PRKG1: variants seen among roughly 807,000 people sequenced by gnomAD.
The protein encoded by PRKG1 is protein kinase cGMP-dependent 1.
In PRKG1, 35 loss-of-function variants were observed where a neutral mutation model predicts 88.1. The observed-to-expected ratio is 0.40, with a 90% CI of 0.30 to 0.53. The LOEUF (loss-of-function observed/expected upper bound fraction) is 0.53, where lower values mean the gene tolerates loss of function less well. PRKG1 is among the 20% of genes least tolerant of loss of function. The pLI, the probability that PRKG1 is intolerant of heterozygous loss-of-function variation, is 0.59. For synonymous variants in PRKG1, 303 were observed against 292.5 expected (o/e 1.04, Z -0.37); for missense variants, 540 against 839.8 (o/e 0.64, Z 4.41).
intron 5 of PRKG1, among the ~76,000 whole-genome samples, chr10:51,985,049 ATAG>A (rs1844118148): frequency 6.6e-6 from 1 of 152,192 alleles, no homozygotes; most frequent in South Asian, 2.1e-4. Context: ...TATAAATACC[ATAG>A]GACATATATT....
intron 2 of PRKG1, among the ~76,000 whole-genome samples, chr10:51,324,180 T>C (rs937403624): frequency 6.6e-6 from 1 of 152,180 alleles, no homozygotes; most frequent in African/African-American, 2.4e-5. Context: ...TACTATACTA[T>C]TGAACACTAG....
chr10:51,394,916 A>G (rs2132655958), intron 2 of PRKG1, among the ~76,000 whole-genome samples: 1 of 152,268 alleles, frequency 6.6e-6, no homozygotes, highest in South Asian at 2.1e-4. Flanking sequence ...TATATATACC[A>G]TGGATTCTTA....
chr10:52,127,994 T>C, intron 7 of PRKG1: 1 of 961,858 alleles, frequency 1.0e-6, no homozygotes, highest in Non-Finnish European at 1.2e-6. Context: ...AATTAATTTA[T>C]TTCATTTTTT....
At chr10:51,454,230 G>T (rs1328027909) in intron 2 of PRKG1, among the ~76,000 whole-genome samples, 3 of 151,870 alleles carry the variant, frequency 2.0e-5, no homozygotes, top group Admixed American at 6.6e-5. Context: ...TCTTCATAAA[G>T]CTAGAAAAAA....
chr10:51,056,779 C>T lies in PRKG1; in HGVS notation c.266+65135C>T, dbSNP rs76102373. Among the ~76,000 whole-genome samples the T allele has an allele frequency of 5.9e-4, 90 of 152,216 alleles. 2 individuals are homozygous for T. In the East Asian group the frequency reaches 0.015, roughly 26 times the overall value. The stretch of plus-strand genomic sequence containing the variant: ...GTCTGTCTCCTATCTGCCTTTCACC[C>T]GCTCACCTTTCTGCTCTCTTCCAAC... On this transcript the variant is annotated intron_variant, in intron 1 of 17. Coordinates refer to the PRKG1 transcript ENST00000401604.
rs561268806 is a variant in PRKG1, at chr10:51,181,465, T to C, written c.478+28135T>C. On this transcript the variant is annotated intron_variant, in intron 2 of 17. Coordinates refer to ENST00000373980, the MANE Select transcript of PRKG1 (RefSeq NM_006258.4). Reference sequence around the variant, plus strand: ...ACCTTGTTAGCCAGGATGGTCTCGATCTCCTGACCTCATGATCCACCCGCC... The same window carrying C: ...ACCTTGTTAGCCAGGATGGTCTCGACCTCCTGACCTCATGATCCACCCGCC... Among the ~76,000 whole-genome samples, 84 of 151,390 alleles carry C rather than the reference T, an allele frequency of 5.5e-4. No homozygotes were observed. The South Asian group carries it at 0.017, about 31-fold the overall frequency.
chr10:51,517,923 C>T (rs1841630981), intron 3 of PRKG1, among the ~76,000 whole-genome samples: 1 of 152,174 alleles, frequency 6.6e-6, no homozygotes, highest in South Asian at 2.1e-4. Flanking sequence ...CACCTTTATT[C>T]TCATGATGCA....
At chr10:51,671,431 A>T (rs183012278) in intron 3 of PRKG1, among the ~76,000 whole-genome samples, 129 of 152,274 alleles carry the variant, frequency 8.5e-4, no homozygotes, top group African/African-American at 3.1e-3. Flanking sequence ...CTAAAGGAAG[A>T]TCTATTCCAT....
At chr10:52,181,069 A>T (rs986358880) in intron 9 of PRKG1, among the ~76,000 whole-genome samples, 4 of 151,948 alleles carry the variant, frequency 2.6e-5, no homozygotes, top group African/African-American at 9.7e-5. Context: ...TATTTTTCAG[A>T]CTTGGGATGT....
chr10:51,723,473 T>A (rs957954933), intron 3 of PRKG1, among the ~76,000 whole-genome samples: 1 of 151,736 alleles, frequency 6.6e-6, no homozygotes, highest in Non-Finnish European at 1.5e-5. Context: ...GGCCTGTCAG[T>A]GGGTAGGAGG....
intron 5 of PRKG1, among the ~76,000 whole-genome samples, chr10:52,050,852 A>C (rs1845972211): frequency 6.6e-6 from 1 of 152,202 alleles, no homozygotes; most frequent in South Asian, 2.1e-4. Flanking sequence ...CAACTCTTTA[A>C]GATGAAGAGA....
chr10:51,963,280 C>A (rs1445639352), intron 5 of PRKG1, among the ~76,000 whole-genome samples: 2 of 152,124 alleles, frequency 1.3e-5, no homozygotes, highest in Non-Finnish European at 2.9e-5. Flanking sequence ...CAGTTGAATT[C>A]TCCACTTCAA....
intron 1 of PRKG1, among the ~76,000 whole-genome samples, chr10:51,125,967 A>C (rs1845387955): frequency 7.8e-6 from 1 of 128,190 alleles, no homozygotes; most frequent in East Asian, 2.2e-4. Context: ...ATATGAATAT[A>C]TAATTATATA....
intron 4 of PRKG1, among the ~76,000 whole-genome samples, chr10:51,817,172 G>T (rs1196279592): frequency 6.6e-6 from 1 of 152,048 alleles, no homozygotes; most frequent in Non-Finnish European, 1.5e-5. Context: ...GGGGCCCAAA[G>T]GAATGGCAGA....
intron 2 of PRKG1, among the ~76,000 whole-genome samples, chr10:51,229,506 A>T (rs1197156549): frequency 6.6e-6 from 1 of 152,194 alleles, no homozygotes; most frequent in African/African-American, 2.4e-5. Flanking sequence ...AGAGCTAGAT[A>T]ACCTTAATTT....
chr10:51,905,293 A>T (rs1201187714), intron 4 of PRKG1, among the ~76,000 whole-genome samples: 1 of 152,180 alleles, frequency 6.6e-6, no homozygotes, highest in Non-Finnish European at 1.5e-5. Context: ...GTGAATTGTT[A>T]CACCTCTGCA....
chr10:51,843,817 T>C (rs1325925202), intron 4 of PRKG1, among the ~76,000 whole-genome samples: 5 of 152,168 alleles, frequency 3.3e-5, no homozygotes, highest in Non-Finnish European at 7.4e-5. Context: ...AATAGGTCCA[T>C]GGAAGTCCCA....
intron 3 of PRKG1, among the ~76,000 whole-genome samples, chr10:51,648,990 G>A (rs1839978471): frequency 6.6e-6 from 1 of 152,090 alleles, no homozygotes; most frequent in Admixed American, 6.6e-5. Context: ...GAACACGTAA[G>A]TCCAGGGGAT....
chr10:51,131,102 C>T (rs962031806), intron 1 of PRKG1, among the ~76,000 whole-genome samples: 1 of 152,012 alleles, frequency 6.6e-6, no homozygotes, highest in Non-Finnish European at 1.5e-5. Context: ...AATTAATGTT[C>T]CTGGTAGATT....
Sources: allele counts gnomAD v4.1 joint callset (sites outside exome capture counted in the v4.1 genomes callset), GRCh38; gene constraint gnomAD v4.1.1; transcripts MANE v1.5; gene names NCBI Gene and HGNC (gene_info 2026-07-23, HGNC 2026-07-21).